The following FOXN3 variants were observed in gnomAD, a reference collection of about 807,000 sequenced individuals.
The protein encoded by FOXN3 is forkhead box protein N3.
In FOXN3, 7 loss-of-function variants were observed where a neutral mutation model predicts 38.4. That is an observed-to-expected ratio of 0.18 (90% CI 0.10 to 0.34). FOXN3 has a LOEUF of 0.34. Ranked by LOEUF, FOXN3 falls within the 10% of genes least tolerant of loss-of-function variation. FOXN3 has a pLI of 1.00. For missense variants in FOXN3, 456 were observed against 613.4 expected (o/e 0.74, Z 2.71); for synonymous variants, 230 against 242.2 (o/e 0.95, Z 0.47).
At chr14:89,448,953 A>G (rs901748075) in intron 1 of FOXN3, among the ~76,000 whole-genome samples, 13 of 152,024 alleles carry the variant, frequency 8.6e-5, no homozygotes, top group African/African-American at 3.1e-4. Flanking sequence ...TCAAAAAAAA[A>G]AAAGAAAGAA....
intron 3 of FOXN3, among the ~76,000 whole-genome samples, chr14:89,344,757 T>C (rs2140001388): frequency 6.6e-6 from 1 of 152,096 alleles, no homozygotes; most frequent in African/African-American, 2.4e-5. Context: ...GTTAGAAAAA[T>C]AGAAATTTCC....
intron 4 of FOXN3, among the ~76,000 whole-genome samples, chr14:89,243,224 CA>C (rs1159123288): frequency 3.3e-5 from 5 of 152,152 alleles, no homozygotes; most frequent in African/African-American, 1.2e-4. Flanking sequence ...TTAAAAAAAG[CA>C]AAGCCTACTT....
At chr14:89,473,809 C>A (rs942826122) in intron 1 of FOXN3, among the ~76,000 whole-genome samples, 2 of 152,178 alleles carry the variant, frequency 1.3e-5, no homozygotes, top group African/African-American at 4.8e-5. Context: ...TGGGTTGACA[C>A]CCACTAGAGC....
At chr14:89,513,949 C>T (rs186476357) in intron 1 of FOXN3, among the ~76,000 whole-genome samples, 1 of 152,126 alleles carries the variant, frequency 6.6e-6, no homozygotes. Context: ...CACGCACGCA[C>T]ACACGCCCTC....
intron 2 of FOXN3, among the ~76,000 whole-genome samples, chr14:89,363,988 A>ATATATT (rs1420813459): frequency 1.3e-4 from 7 of 52,066 alleles, no homozygotes; most frequent in African/African-American, 6.2e-4. Context: ...ATATATATAT[A>ATATATT]ATATATATAT....
At chr14:89,555,173 T>C (rs1308712056) in intron 1 of FOXN3, among the ~76,000 whole-genome samples, 2 of 151,762 alleles carry the variant, frequency 1.3e-5, no homozygotes, top group African/African-American at 4.9e-5. Flanking sequence ...TCACTTAACA[T>C]ACCTCAGAGA....
chr14:89,594,476 A>G (rs537927746), intron 1 of FOXN3, among the ~76,000 whole-genome samples: 1 of 152,324 alleles, frequency 6.6e-6, no homozygotes, highest in East Asian at 1.9e-4. Flanking sequence ...AAGTTGAACA[A>G]CTTTTCACAT....
intron 1 of FOXN3, among the ~76,000 whole-genome samples, chr14:89,465,991 A>G (rs1039476319): frequency 3.3e-5 from 5 of 152,202 alleles, no homozygotes; most frequent in Non-Finnish European, 5.9e-5. Flanking sequence ...AGCTTTATTC[A>G]CTTATGCACA....
rs938666900 is a variant in FOXN3 at position 89,441,890 on chromosome 14, G to A, written c.-14-29400C>T. 2.0e-5 allele frequency among the ~76,000 whole-genome samples: 3 copies of A among 149,536 alleles called. No homozygotes were observed. The East Asian group carries it at 5.9e-4, about 29-fold the overall frequency. ...TTGAGGTTGGGATCTCAGCACCAAT[G>A]CTGAGTTACACAGGGGGCTGAAACC... On this transcript the variant is annotated intron_variant, in intron 1 of 6. Transcript: ENST00000345097.
intron 1 of FOXN3, among the ~76,000 whole-genome samples, chr14:89,450,603 TTA>T (rs1892596278): frequency 6.6e-6 from 1 of 151,918 alleles, no homozygotes; most frequent in African/African-American, 2.4e-5. Context: ...TTTTTTTTTT[TTA>T]GACAGAGTCT....
intron 4 of FOXN3, among the ~76,000 whole-genome samples, chr14:89,218,175 CTG>C (rs1399828769): frequency 6.6e-6 from 1 of 152,148 alleles, no homozygotes; most frequent in African/African-American, 2.4e-5. Context: ...CTGCACCTAT[CTG>C]TGTAATATTT....
chr14:89,294,405 G>A (rs571765288), intron 3 of FOXN3, among the ~76,000 whole-genome samples: 2 of 152,230 alleles, frequency 1.3e-5, no homozygotes, highest in East Asian at 1.9e-4. Context: ...CTCCATGTGC[G>A]TCTTCATTCG....
rs186688060 is a variant in FOXN3, at chr14:89,530,776, A to G, written c.-15+88252T>C. Reference sequence around the variant, plus strand: ...AGGCGCCTACCACCACGCCCGGCTAATTTTTGTATTTTTAGTAGAGATGGG... The same window carrying G: ...AGGCGCCTACCACCACGCCCGGCTAGTTTTTGTATTTTTAGTAGAGATGGG... On this transcript the variant is annotated intron_variant, in intron 1 of 6. Transcript: ENST00000345097. Among the ~76,000 whole-genome samples the G allele has an allele frequency of 7.0e-3, 1,051 of 150,020 alleles. 10 individuals are homozygous for G. Among genetic ancestry groups the G allele is most frequent in the Middle Eastern group, 0.024 (7 of 294 alleles).
At position 89,446,031 on chromosome 14, in the gene FOXN3, T is replaced by C. The variant is rs542543970; in HGVS notation, c.-14-33541A>G. Among the ~76,000 whole-genome samples, 66 of 128,350 alleles carry C rather than the reference T, an allele frequency of 5.1e-4. 1 individual carries two copies. The highest frequency in any genetic ancestry group is 3.0e-3 in the Admixed American group (30 of 9,846). The allele number at this position is 128,350 out of a possible 152,430, so 84.2% of individuals were successfully genotyped here. The stretch of plus-strand genomic sequence containing the variant: ...GTGGGAGGATCACTTGAGCTTGCAG[T>C]GAGCTGTGATTATACCACCGCACTC... On this transcript the variant is annotated intron_variant, in intron 1 of 6. Transcript: ENST00000345097.
chr14:89,225,476 C>A (rs576239734), intron 4 of FOXN3, among the ~76,000 whole-genome samples: 1 of 146,586 alleles, frequency 6.8e-6, no homozygotes, highest in Non-Finnish European at 1.5e-5. Context: ...TGGTGGTGGG[C>A]GCCTGTAGTC....
chr14:89,470,730 C>T (rs1255993674), intron 1 of FOXN3, among the ~76,000 whole-genome samples: 2 of 152,190 alleles, frequency 1.3e-5, no homozygotes, highest in African/African-American at 4.8e-5. Flanking sequence ...ATTATGCCAA[C>T]AAGCCAGGCA....
intron 3 of FOXN3, among the ~76,000 whole-genome samples, chr14:89,296,826 G>A (rs1055451721): frequency 3.3e-5 from 5 of 152,196 alleles, no homozygotes; most frequent in African/African-American, 7.2e-5. Flanking sequence ...TAGTAGAGGC[G>A]GGGTTTTGCC....
intron 1 of FOXN3, among the ~76,000 whole-genome samples, chr14:89,477,664 G>C (rs1218693361): frequency 6.6e-6 from 1 of 152,182 alleles, no homozygotes; most frequent in East Asian, 1.9e-4. Flanking sequence ...GGATGACTGG[G>C]CTGAAGGGAA....
intron 1 of FOXN3, among the ~76,000 whole-genome samples, chr14:89,583,289 G>A (rs1359474554): frequency 6.6e-6 from 1 of 152,168 alleles, no homozygotes; most frequent in African/African-American, 2.4e-5. Context: ...TTGTTGAGAG[G>A]TGAGGCATCT....
Sources: gnomAD v4.1 joint callset for allele counts (sites outside exome capture counted in the v4.1 genomes callset) on GRCh38, gnomAD v4.1.1 for gene constraint, MANE v1.5 for transcripts, NCBI Gene and HGNC (gene_info 2026-07-23, HGNC 2026-07-21) for gene names.